Variants in CTNNA1 observed in about 807,000 individuals in gnomAD.
The protein encoded by CTNNA1 is catenin alpha-1.
A neutral mutation model predicts 98.4 loss-of-function variants in CTNNA1; 37 were observed. That is an observed-to-expected ratio of 0.38 (90% CI 0.29 to 0.49). The LOEUF is 0.49. CTNNA1 is among the 20% of genes least tolerant of loss of function. CTNNA1 has a pLI of 0.95. For synonymous variants in CTNNA1, 404 were observed against 413.2 expected (o/e 0.98, Z 0.27); for missense variants, 761 against 1,147.2 (o/e 0.66, Z 4.86).
chr5:138,903,973 TAAC>T (rs1383394060), intron 9 of CTNNA1, among the ~76,000 whole-genome samples: 2 of 152,384 alleles, frequency 1.3e-5, no homozygotes, highest in Admixed American at 1.3e-4. Flanking sequence ...TTTTTGAGGA[TAAC>T]AACAGTTCTT....
At chr5:138,894,612 A>G (rs1002355187) in intron 9 of CTNNA1, among the ~76,000 whole-genome samples, 2 of 152,074 alleles carry the variant, frequency 1.3e-5, no homozygotes, top group Non-Finnish European at 2.9e-5. Flanking sequence ...CTGCACTGCC[A>G]TCTCTCACTG....
chr5:138,786,281 T>C (rs1377942688), intron 3 of CTNNA1, among the ~76,000 whole-genome samples: 1 of 152,232 alleles, frequency 6.6e-6, no homozygotes, highest in Non-Finnish European at 1.5e-5. Context: ...TTCTCTTGGC[T>C]TACTTTTTTC....
intron 9 of CTNNA1, among the ~76,000 whole-genome samples, chr5:138,895,505 G>T (rs534774329): frequency 3.2e-4 from 21 of 65,420 alleles, no homozygotes; most frequent in South Asian, 1.7e-3. Flanking sequence ...CAGTTTTTTG[G>T]GGGGGGGGAT....
At chr5:138,871,533 T>G (rs923472104) in intron 7 of CTNNA1, 2 of 152,250 alleles carry the variant, frequency 1.3e-5, no homozygotes, top group African/African-American at 4.8e-5. Context: ...TATATTTACA[T>G]TGGAGGATCT....
At chr5:138,776,813 C>T (rs1298829986) in intron 1 of CTNNA1, among the ~76,000 whole-genome samples, 1 of 141,000 alleles carries the variant, frequency 7.1e-6, no homozygotes, top group African/African-American at 2.7e-5. Context: ...GACCCCCCCA[C>T]CTCCCTCCCG....
rs115169869 is a variant in CTNNA1, at chr5:138,885,263, C to G, written c.1063-949C>G. Among the ~76,000 whole-genome samples, 752 of 152,290 alleles carry G rather than the reference C, an allele frequency of 4.9e-3. 8 individuals are homozygous for G. The highest frequency in any genetic ancestry group is 3.1e-3 in the Non-Finnish European group (210 of 68,010). On this transcript the variant is annotated intron_variant, in intron 7 of 17. Coordinates refer to ENST00000302763, the MANE Select transcript of CTNNA1 (RefSeq NM_001903.5). ...TAAGAGCATACCCATACCAAAATGTCTTGAGGGCATCCAAAGGGAGAACAA... is the reference window on the plus strand; with the variant it reads ...TAAGAGCATACCCATACCAAAATGTGTTGAGGGCATCCAAAGGGAGAACAA...
rs781427504 is a variant in CTNNA1, at chr5:138,929,233, G to C, written c.1900-13G>C. 6 of 1,447,570 alleles carry C rather than the reference G, an allele frequency of 4.1e-6. No individual in the cohort carries two copies. In the South Asian group the frequency reaches 6.8e-5, roughly 17 times the overall value. 89.7% of individuals were successfully genotyped at this position (1,447,570 alleles called of 1,614,324 possible). A position where few individuals can be genotyped will look rare whatever the true frequency, so the allele number is the denominator to read the frequency against. On this transcript the variant is annotated splice_polypyrimidine_tract_variant and intron_variant, in intron 13 of 17. Transcript: ENST00000302763. The stretch of plus-strand genomic sequence containing the variant: ...GAGATGTGTCTGACCTGTGATCTTT[G>C]TCTGGGTGGCAGACCCCTGAGGAGT...
chr5:138,887,981 C>T (rs766810101), intron 9 of CTNNA1, among the ~76,000 whole-genome samples: 97 of 152,324 alleles, frequency 6.4e-4, no homozygotes, highest in Non-Finnish European at 1.2e-3. Context: ...ACACTGCCTG[C>T]GCTTGCATCC....
At chr5:138,824,427 A>G (rs1357090662) in intron 5 of CTNNA1, 103 bp from the exon 6 acceptor site, 2 of 1,219,276 alleles carry the variant, frequency 1.6e-6, no homozygotes, top group Admixed American at 5.0e-5. Context: ...TAATGTGTCT[A>G]ATTAATAGAA....
At chr5:138,871,872 G>A (rs1750675357) in intron 7 of CTNNA1, 2 of 152,066 alleles carry the variant, frequency 1.3e-5, no homozygotes, top group South Asian at 4.2e-4. Flanking sequence ...TGGTTCCTTT[G>A]TAATACAATA....
intron 10 of CTNNA1, among the ~76,000 whole-genome samples, chr5:138,910,534 CT>C (rs1172433104): frequency 4.0e-5 from 6 of 151,814 alleles, no homozygotes; most frequent in African/African-American, 1.5e-4. Context: ...AAATTGGAAG[CT>C]TTAACTCATT....
intron 7 of CTNNA1, among the ~76,000 whole-genome samples, chr5:138,838,089 T>G (rs1411783802): frequency 6.6e-6 from 1 of 152,158 alleles, no homozygotes; most frequent in Non-Finnish European, 1.5e-5. Context: ...TTAGTAGAGA[T>G]AGGGTTTCAC....
At chr5:138,872,027 A>AGTGTGTGTGTGTGT (rs370259988) in intron 7 of CTNNA1, 1 of 133,066 alleles carries the variant, frequency 7.5e-6, no homozygotes, top group Non-Finnish European at 1.6e-5. Flanking sequence ...AGAGCGCGAG[A>AGTGTGTGTGTGTGT]GTGTGTGTGT....
chr5:138,840,131 G>A (rs749015681), intron 7 of CTNNA1, among the ~76,000 whole-genome samples: 2 of 152,198 alleles, frequency 1.3e-5, no homozygotes, highest in Non-Finnish European at 1.5e-5. Context: ...ATAATGGGTG[G>A]TGTTATTAAA....
chr5:138,830,244 C>T (rs1761140253), intron 7 of CTNNA1, among the ~76,000 whole-genome samples: 1 of 151,626 alleles, frequency 6.6e-6, no homozygotes, highest in African/African-American at 2.4e-5. Flanking sequence ...CCCCTGTAGT[C>T]CCAGCTACTC....
At chr5:138,854,494 T>A (rs1763546181) in intron 7 of CTNNA1, among the ~76,000 whole-genome samples, 1 of 152,158 alleles carries the variant, frequency 6.6e-6, no homozygotes, top group Non-Finnish European at 1.5e-5. Flanking sequence ...GTGAAAAGTG[T>A]AAATGCTAGA....
chr5:138,785,431 C>CTAT (rs1284509084), intron 3 of CTNNA1, among the ~76,000 whole-genome samples: 1 of 152,154 alleles, frequency 6.6e-6, no homozygotes, highest in Admixed American at 6.6e-5. Context: ...GGAAATCAGG[C>CTAT]TATTACTTAA....
At chr5:138,787,429 A>G (rs1288795475) in intron 3 of CTNNA1, among the ~76,000 whole-genome samples, 2 of 152,226 alleles carry the variant, frequency 1.3e-5, no homozygotes, top group Non-Finnish European at 2.9e-5. Flanking sequence ...AAAAAAAAAA[A>G]AGGTCTCTGT....
At chr5:138,853,661 A>G (rs754039153) in intron 7 of CTNNA1, among the ~76,000 whole-genome samples, 11 of 152,214 alleles carry the variant, frequency 7.2e-5, no homozygotes, top group Non-Finnish European at 1.5e-4. Context: ...ACAGAAGCAG[A>G]AGAACTAGGA....
Sources: gnomAD v4.1 joint callset for allele counts (sites outside exome capture counted in the v4.1 genomes callset) on GRCh38, gnomAD v4.1.1 for gene constraint, MANE v1.5 for transcripts, NCBI Gene and HGNC (gene_info 2026-07-23, HGNC 2026-07-21) for gene names.